The following IFI44L variants were observed in gnomAD, a reference collection of about 807,000 sequenced individuals.
The protein encoded by IFI44L is interferon induced protein 44 like, also known as interferon-induced protein 44-like.
A neutral mutation model predicts 39.3 loss-of-function variants in IFI44L; 40 were observed. The ratio of observed to expected loss-of-function variants is 1.02; its 90% confidence interval spans 0.79 to 1.33. The LOEUF (loss-of-function observed/expected upper bound fraction) is 1.33, where lower values mean the gene tolerates loss of function less well. Among genes scored for constraint, IFI44L ranks in the 40% most tolerant of loss-of-function variants. The pLI, the probability that IFI44L is intolerant of heterozygous loss-of-function variation, is 0.00. For synonymous variants in IFI44L, 198 were observed against 182.3 expected, an observed-to-expected ratio of 1.09 and a Z score of -0.69; for missense variants, 623 against 549.0, an observed-to-expected ratio of 1.13 and a Z score of -1.35.
Position 78,642,396 on chromosome 1 carries a change from A to AT in IFI44L, c.*587_*588insT, listed in dbSNP as rs1646997273. ...CCCATCTCCACTGCAAAAAAAAAAA[A>AT]AAAAAATAAGAAAGAACAAAACAAA... On this transcript the variant is annotated 3_prime_UTR_variant, in exon 9 of 9. Transcript: ENST00000370751. The AT allele has an allele frequency of 6.6e-6, 1 of 151,556 alleles. No homozygotes were observed. Among genetic ancestry groups the AT allele is most frequent in the African/African-American group, 2.4e-5 (1 of 41,272 alleles). The allele number at this position is 151,556 out of a possible 1,614,324, so 9.4% of individuals were successfully genotyped here.
In IFI44L at chr1:78,628,077, T is replaced by G. The variant is rs747156657; in HGVS notation, c.162T>G (p.Ala54=). The change falls in exon 2 of 9, where the codon GCT becomes GCG. Residue 54 remains alanine, a synonymous_variant. Coordinates refer to ENST00000370751, the MANE Select transcript of IFI44L (RefSeq NM_006820.4). ...GTCAGGGATGTACTATAACAATGGC[T>G]TACATTGATTACAATATGATTGTAG... ...CSRQGCTITM[A]YIDYNMIVAF... The G allele has an allele frequency of 5.0e-6, 8 of 1,613,070 alleles. No individual in the cohort carries two copies. In the African/African-American group the frequency reaches 6.7e-5, roughly 13 times the overall value.
intron 6 of IFI44L, among the ~76,000 whole-genome samples, chr1:78,637,572 G>GCA (rs1652996821): frequency 6.6e-6 from 1 of 151,972 alleles, no homozygotes. Context: ...ACCCATCACT[G>GCA]CAACCAAATA....
chr1:78,630,227 A>T, intron 4 of IFI44L: 1 of 216,720 alleles, frequency 4.6e-6, no homozygotes, highest in Non-Finnish European at 9.1e-6. Flanking sequence ...CATGTACTAC[A>T]TGATTTTACC....
chr1:78,622,505 A>G (rs1404810849), intron 1 of IFI44L, among the ~76,000 whole-genome samples: 1 of 152,172 alleles, frequency 6.6e-6, no homozygotes, highest in East Asian at 1.9e-4. Context: ...TACAGACTCT[A>G]AAATAGCTCC....
At chr1:78,641,729 A>G in intron 8 of IFI44L, 46 bp from the exon 9 acceptor site, 3 of 1,611,462 alleles carry the variant, frequency 1.9e-6, no homozygotes, top group Admixed American at 1.7e-5. Context: ...TGAAAGCTAC[A>G]TTAGGATATA....
intron 6 of IFI44L, among the ~76,000 whole-genome samples, chr1:78,640,272 G>A: frequency 6.6e-6 from 1 of 152,060 alleles, no homozygotes; most frequent in East Asian, 1.9e-4. Context: ...GAATTACATT[G>A]CAACAGAGGT....
chr1:78,641,956 C>A lies in IFI44L; in HGVS notation c.*147C>A, dbSNP rs1646992362. 3 of 873,168 alleles carry A rather than the reference C, an allele frequency of 3.4e-6. No homozygotes were observed. The highest frequency in any genetic ancestry group is 2.8e-5 in the South Asian group (2 of 72,114). 54.1% of individuals were successfully genotyped at this position (873,168 alleles called of 1,614,324 possible). A position where few individuals can be genotyped will look rare whatever the true frequency, so the allele number is the denominator to read the frequency against. ...AACAGTCATATCTCAAGTTCAAAGG[C>A]CAAAACCTGAGAAGCGGTGGGCTAA... On this transcript the variant is annotated 3_prime_UTR_variant, in exon 9 of 9. Transcript: ENST00000370751.
intron 1 of IFI44L, among the ~76,000 whole-genome samples, chr1:78,623,986 ATTTCT>A (rs1041410351): frequency 1.3e-5 from 2 of 151,820 alleles, no homozygotes; most frequent in Non-Finnish European, 2.9e-5. Flanking sequence ...TTGCCTCAAC[ATTTCT>A]TTTCTTTTCT....
rs1022349348 is a variant in IFI44L at position 78,642,521 on chromosome 1, A to G, written c.*712A>G. The G allele has an allele frequency of 2.0e-5, 3 of 152,004 alleles. No individual in the cohort carries two copies. Among genetic ancestry groups the G allele is most frequent in the African/African-American group, 7.3e-5 (3 of 41,376 alleles). 9.4% of individuals were successfully genotyped at this position (152,004 alleles called of 1,614,324 possible). A position where few individuals can be genotyped will look rare whatever the true frequency, so the allele number is the denominator to read the frequency against. ...GAGGTGGAGGCTACAGTGAGCTGAG[A>G]TTGTGCCACTGTACTCTAGCCAGGG... On this transcript the variant is annotated 3_prime_UTR_variant, in exon 9 of 9. Transcript: ENST00000370751.
intron 4 of IFI44L, among the ~76,000 whole-genome samples, chr1:78,633,700 A>G (rs567975990): frequency 6.6e-6 from 1 of 152,218 alleles, no homozygotes; most frequent in Non-Finnish European, 1.5e-5. Context: ...TGACGTCAGT[A>G]AAGAGAGAAA....
At chr1:78,637,235 C>T (rs370306592) in intron 6 of IFI44L, 32 bp downstream of exon 6, 1 of 1,499,514 alleles carries the variant, frequency 6.7e-7, no homozygotes, top group African/African-American at 1.4e-5. Context: ...AAAAAATTTA[C>T]TTTGAAATAA....
At chr1:78,632,419 G>A (rs950873490) in intron 4 of IFI44L, among the ~76,000 whole-genome samples, 1 of 152,156 alleles carries the variant, frequency 6.6e-6, no homozygotes, top group Non-Finnish European at 1.5e-5. Flanking sequence ...ATTGCATGAT[G>A]AAATGTGTCA....
At chr1:78,622,534 T>C (rs1418388980) in intron 1 of IFI44L, among the ~76,000 whole-genome samples, 3 of 150,090 alleles carry the variant, frequency 2.0e-5, no homozygotes, top group African/African-American at 7.3e-5. Flanking sequence ...CCTGTCCTAT[T>C]TTTTTTTTAA....
chr1:78,641,296 T>C, intron 7 of IFI44L, 139 bp from the exon 8 acceptor site: 2 of 884,250 alleles, frequency 2.3e-6, no homozygotes, highest in Admixed American at 2.6e-5. Context: ...AAAACTGCAA[T>C]GATCTGAATT....
rs1570374177 is a variant in IFI44L, at chr1:78,645,889, A to G, written c.*4080A>G. The G allele has an allele frequency of 6.6e-6, 1 of 152,156 alleles. No individual in the cohort carries two copies. The highest frequency in any genetic ancestry group is 1.5e-5 in the Non-Finnish European group (1 of 68,030). The allele number at this position is 152,156 out of a possible 1,614,324, so 9.4% of individuals were successfully genotyped here. A position where few individuals can be genotyped will look rare whatever the true frequency, so the allele number is the denominator to read the frequency against. On this transcript the variant is annotated 3_prime_UTR_variant, in exon 9 of 9. Coordinates refer to ENST00000370751, the MANE Select transcript of IFI44L (RefSeq NM_006820.4). ...AGTCAATGTTCAGCTGTACCCTCCC[A>G]CAATCCCACTTCCTTCCTCAACACA...
chr1:78,639,181 T>G (rs1653061570), intron 6 of IFI44L, among the ~76,000 whole-genome samples: 2 of 152,062 alleles, frequency 1.3e-5, no homozygotes, highest in South Asian at 4.1e-4. Flanking sequence ...TTGCTGCTGA[T>G]TCGGTGGAAG....
At chr1:78,630,289 G>A (rs888599012) in intron 4 of IFI44L, 2 of 110,662 alleles carry the variant, frequency 1.8e-5, no homozygotes, top group African/African-American at 3.7e-5. Flanking sequence ...AATTATGTAA[G>A]GTAATTTTTT....
intron 1 of IFI44L, among the ~76,000 whole-genome samples, chr1:78,623,540 A>G (rs2148687): frequency 6.6e-6 from 1 of 151,984 alleles, no homozygotes; most frequent in Non-Finnish European, 1.5e-5. Context: ...AAAAAATAAA[A>G]TTAAAAAAAA....
At chr1:78,636,795 T>G in intron 5 of IFI44L, 1 of 422,398 alleles carries the variant, frequency 2.4e-6, no homozygotes, top group South Asian at 4.4e-5. Context: ...ATACTTACAA[T>G]GGATAATTAT....
Sources: gnomAD v4.1 joint callset for allele counts (sites outside exome capture counted in the v4.1 genomes callset) on GRCh38, gnomAD v4.1.1 for gene constraint, MANE v1.5 for transcripts, NCBI Gene and HGNC (gene_info 2026-07-23, HGNC 2026-07-21) for gene names.